LIMA1: variants seen among roughly 807,000 people sequenced by gnomAD.
LIMA1 encodes the protein LIM domain and actin-binding protein 1.
Under a neutral mutation model 62.6 loss-of-function variants are expected in LIMA1, and 52 were observed. The ratio of observed to expected loss-of-function variants is 0.83; its 90% CI spans 0.67 to 1.05. The LOEUF is 1.05. Among genes scored for constraint, LIMA1 ranks in the 50% least tolerant of loss-of-function variants. The pLI, the probability that LIMA1 is intolerant of heterozygous loss-of-function variation, is 0.00. For synonymous variants in LIMA1, 302 were observed against 317.8 expected, an observed-to-expected ratio of 0.95 and a Z score of 0.53; for missense variants, 780 against 902.2, an observed-to-expected ratio of 0.86 and a Z score of 1.74.
chr12:50,242,789 A>G (rs918523539), intron 2 of LIMA1, among the ~76,000 whole-genome samples: 5 of 152,168 alleles, frequency 3.3e-5, no homozygotes, highest in South Asian at 2.1e-4. Flanking sequence ...CTGGAATGGA[A>G]AATCTAAAGA....
At chr12:50,279,198 G>A (rs1942309778) in intron 1 of LIMA1, among the ~76,000 whole-genome samples, 1 of 150,650 alleles carries the variant, frequency 6.6e-6, no homozygotes, top group African/African-American at 2.4e-5. Context: ...TAGAGATGGG[G>A]TTTCACTATG....
chr12:50,194,899 T>G (rs564481203), intron 8 of LIMA1, among the ~76,000 whole-genome samples: 119 of 151,948 alleles, frequency 7.8e-4, no homozygotes, highest in Admixed American at 5.4e-3. Flanking sequence ...ATACAAAAAA[T>G]TAGCCAGGCA....
chr12:50,216,213 A>ATTTCT (rs925505768), intron 4 of LIMA1, among the ~76,000 whole-genome samples: 6 of 151,824 alleles, frequency 4.0e-5, no homozygotes, highest in Non-Finnish European at 7.4e-5. Context: ...TCACCGTGGC[A>ATTTCT]TTTCTTTTCT....
At chr12:50,192,672 A>G in intron 8 of LIMA1, 111 bp from the exon 9 acceptor site, 1 of 713,802 alleles carries the variant, frequency 1.4e-6, no homozygotes, top group Non-Finnish European at 2.5e-6. Flanking sequence ...GATCCTTCCA[A>G]CACCAGGAAA....
chr12:50,208,354 C>T (rs1054208419), intron 4 of LIMA1, among the ~76,000 whole-genome samples: 9 of 152,180 alleles, frequency 5.9e-5, no homozygotes, highest in Admixed American at 5.9e-4. Context: ...GGCGTGGTGG[C>T]CCGCACCTGT....
At chr12:50,268,596 T>TTATTATTATTAC (rs1942168132) in intron 1 of LIMA1, among the ~76,000 whole-genome samples, 1 of 150,960 alleles carries the variant, frequency 6.6e-6, no homozygotes. Flanking sequence ...CATGAAGCAA[T>TTATTATTATTAC]TATTATTATT....
rs762976166 is a variant in LIMA1 at position 50,222,498 on chromosome 12, G to A, written c.166-13C>T. The A allele has an allele frequency of 9.3e-6, 15 of 1,613,950 alleles. No homozygotes were observed. In the Middle Eastern group the frequency reaches 6.6e-4, roughly 71 times the overall value. ...GATTTTCGGTGTTCTAGAAGAACAA[G>A]AAGTAGATGCCAGTTATAACTTGCC... is the stretch of plus-strand genomic sequence containing the variant. On this transcript the variant is annotated splice_polypyrimidine_tract_variant and intron_variant, in intron 3 of 10. Coordinates refer to ENST00000341247, the MANE Select transcript of LIMA1 (RefSeq NM_016357.5).
At chr12:50,275,048 A>C (rs1282879513) in intron 1 of LIMA1, among the ~76,000 whole-genome samples, 1 of 152,152 alleles carries the variant, frequency 6.6e-6, no homozygotes, top group African/African-American at 2.4e-5. Flanking sequence ...AAGATCAGAT[A>C]TATTTCATGT....
rs1940513797 is a variant in LIMA1 at position 50,181,969 on chromosome 12, G to C, written c.1209C>G (p.Leu403=). 2 of 1,613,746 alleles carry C rather than the reference G, an allele frequency of 1.2e-6. No homozygotes were observed. Among genetic ancestry groups the C allele is most frequent in the Non-Finnish European group, 1.7e-6 (2 of 1,180,026 alleles). Residue 403 remains leucine, a synonymous_variant, in exon 10 of 11, where the codon CTC becomes CTG. Coordinates refer to ENST00000341247, the MANE Select transcript of LIMA1 (RefSeq NM_016357.5). The stretch of plus-strand genomic sequence containing the variant: ...TGTGAAACACCTGCTGGTTGGCCAA[G>C]AGACGCTCCATTGGATAGACTGTCT... The part of the protein sequence containing the change: ...CQKTVYPMER[L]LANQQVFHIS...
chr12:50,271,342 C>CT (rs942916491), intron 1 of LIMA1, among the ~76,000 whole-genome samples: 28 of 149,680 alleles, frequency 1.9e-4, no homozygotes, highest in African/African-American at 4.2e-4. Context: ...CTTTCCTAAT[C>CT]TTTTTTTTTT....
At chr12:50,186,827 A>G (rs893197854) in intron 9 of LIMA1, 2 of 152,194 alleles carry the variant, frequency 1.3e-5, no homozygotes, top group Admixed American at 1.3e-4. Context: ...GTAGGTCTGC[A>G]TAGACCTGCT....
intron 1 of LIMA1, among the ~76,000 whole-genome samples, chr12:50,254,318 T>A (rs992309472): frequency 2.6e-5 from 4 of 152,214 alleles, no homozygotes; most frequent in Non-Finnish European, 4.4e-5. Flanking sequence ...AACAGTTTGC[T>A]GAGAAGGAAG....
chr12:50,260,471 T>A (rs954387002), intron 1 of LIMA1, among the ~76,000 whole-genome samples: 2 of 152,182 alleles, frequency 1.3e-5, no homozygotes, highest in Non-Finnish European at 2.9e-5. Context: ...TTCTACTCCA[T>A]GCTGGATAGT....
At chr12:50,178,555 A>G (rs77663142) in intron 10 of LIMA1, among the ~76,000 whole-genome samples, 1 of 151,814 alleles carries the variant, frequency 6.6e-6, no homozygotes, top group Non-Finnish European at 1.5e-5. Flanking sequence ...AGAAAAAAAA[A>G]CCAACAGTAA....
At chr12:50,255,468 C>G (rs1489913477) in intron 1 of LIMA1, among the ~76,000 whole-genome samples, 3 of 148,352 alleles carry the variant, frequency 2.0e-5, no homozygotes, top group African/African-American at 5.0e-5. Context: ...TGAGGTGGGT[C>G]ACTTGAGCCT....
At chr12:50,246,164 G>A (rs962702060) in intron 2 of LIMA1, among the ~76,000 whole-genome samples, 28 of 151,332 alleles carry the variant, frequency 1.9e-4, no homozygotes, top group African/African-American at 6.8e-4. Flanking sequence ...CCCAGGAGGC[G>A]GAGGTTGCAG....
chr12:50,277,722 T>C (rs1942292183), intron 1 of LIMA1, among the ~76,000 whole-genome samples: 1 of 152,188 alleles, frequency 6.6e-6, no homozygotes. Context: ...AACTTCTGTA[T>C]ACTTTCCACT....
At chr12:50,262,587 A>C (rs1942084919) in intron 1 of LIMA1, among the ~76,000 whole-genome samples, 1 of 151,916 alleles carries the variant, frequency 6.6e-6, no homozygotes, top group Non-Finnish European at 1.5e-5. Flanking sequence ...CAGCCTAGGC[A>C]ATATGGCGAG....
intron 1 of LIMA1, among the ~76,000 whole-genome samples, chr12:50,273,110 C>T (rs1163877644): frequency 6.6e-6 from 1 of 151,226 alleles, no homozygotes; most frequent in African/African-American, 2.4e-5. Flanking sequence ...CTTACTCTCT[C>T]TCCCAGGCTA....
Sources: allele counts gnomAD v4.1 joint callset (sites outside exome capture counted in the v4.1 genomes callset), GRCh38; gene constraint gnomAD v4.1.1; transcripts MANE v1.5; gene names NCBI Gene and HGNC (gene_info 2026-07-23, HGNC 2026-07-21).